COL24A1: variants seen among roughly 807,000 people sequenced by gnomAD.
COL24A1 encodes collagen type XXIV alpha 1 chain.
In COL24A1, 224 loss-of-function variants were observed where a neutral mutation model predicts 253.9. The observed-to-expected ratio is 0.88, with a 90% confidence interval of 0.79 to 0.99. COL24A1 has a LOEUF of 0.99. Ranked by LOEUF, COL24A1 falls within the 50% of genes least tolerant of loss-of-function variation. COL24A1 has a pLI of 0.00. For synonymous variants in COL24A1, 685 were observed against 673.7 expected (o/e 1.02, Z -0.26); for missense variants, 2,131 against 2,068.5 (o/e 1.03, Z -0.59).
chr1:85,950,504 A>G (rs1000240841), intron 24 of COL24A1, among the ~76,000 whole-genome samples: 1 of 152,216 alleles, frequency 6.6e-6, no homozygotes, highest in Admixed American at 6.5e-5. Context: ...AAGAAAGGTG[A>G]TAAGTGTGGG....
intron 35 of COL24A1, among the ~76,000 whole-genome samples, chr1:85,872,349 A>G (rs1042674158): frequency 6.6e-6 from 1 of 152,182 alleles, no homozygotes; most frequent in African/African-American, 2.4e-5. Flanking sequence ...AACTACTTTA[A>G]AGTTCATATG....
rs755480891 is a variant in COL24A1, at chr1:85,737,440, T to G, written c.4738A>C (p.Ser1580Arg). ...GGTAAGCATGTCTGGCCACCAGCAC[T>G]GAAATTGCAGAAAACCTCAATGGCA... The part of the protein sequence containing the change: ...SDAIEVFCNF[S>R]AGGQTCLPPV... Residue 1580 changes from serine (S) to arginine (R), a missense_variant, in exon 58 of 60, where the codon AGT becomes CGT. By Grantham distance (110) the Ser-to-Arg change is moderately radical. Transcript: ENST00000370571. The G allele has an allele frequency of 8.1e-6, 13 of 1,613,104 alleles. No individual in the cohort carries two copies. The East Asian group carries it at 2.0e-4, about 25-fold the overall frequency.
intron 53 of COL24A1, among the ~76,000 whole-genome samples, chr1:85,767,418 T>A (rs2101204998): frequency 6.6e-6 from 1 of 152,292 alleles, no homozygotes; most frequent in South Asian, 2.1e-4. Flanking sequence ...TAAGAAATGT[T>A]ACCAAGCTTT....
At chr1:86,149,734 G>A (rs535703738) in intron 1 of COL24A1, among the ~76,000 whole-genome samples, 1 of 152,238 alleles carries the variant, frequency 6.6e-6, no homozygotes, top group African/African-American at 2.4e-5. Flanking sequence ...AAATAAACAT[G>A]TTAACAAGTC....
chr1:85,926,383 T>G (rs937692637), intron 24 of COL24A1, among the ~76,000 whole-genome samples: 1 of 152,184 alleles, frequency 6.6e-6, no homozygotes, highest in East Asian at 1.9e-4. Flanking sequence ...CACGTATGTT[T>G]ATTGCGGCAC....
chr1:85,902,234 A>G (rs1471043723), intron 28 of COL24A1, among the ~76,000 whole-genome samples: 4 of 152,208 alleles, frequency 2.6e-5, no homozygotes, highest in Non-Finnish European at 5.9e-5. Context: ...GCAGCAAGCA[A>G]TAAAGATCCC....
chr1:85,758,926 GATAGAATTTCAGAGC>G (rs528921563), intron 55 of COL24A1, among the ~76,000 whole-genome samples: 45 of 152,154 alleles, frequency 3.0e-4, no homozygotes, highest in Non-Finnish European at 5.9e-4. Context: ...CCACTACCAT[GATAGAATTTCAGAGC>G]ATTTTAATCA....
chr1:85,769,715 C>T (rs1278713525), intron 53 of COL24A1, among the ~76,000 whole-genome samples: 1 of 152,142 alleles, frequency 6.6e-6, no homozygotes, highest in African/African-American at 2.4e-5. Context: ...TCAACTGGTC[C>T]TACCAGGACA....
rs11161721 is a variant in COL24A1, at chr1:86,022,231, C to A, written c.2256+9G>T. 0.28 allele frequency: 450,849 copies of A among 1,607,094 alleles called. 65,056 individuals are homozygous for A. Among genetic ancestry groups the A allele is most frequent in the Admixed American group, 0.37 (22,261 of 59,906 alleles). On this transcript the variant is annotated intron_variant, in intron 18 of 59. Coordinates refer to ENST00000370571, the MANE Select transcript of COL24A1 (RefSeq NM_152890.7). Reference sequence around the variant, plus strand: ...AATTACAAAGAGCAAAGCAAAAGTTCAAACCTACTGAAGGCCCTGACTTTC... The same window carrying A: ...AATTACAAAGAGCAAAGCAAAAGTTAAAACCTACTGAAGGCCCTGACTTTC...
chr1:86,056,856 CAA>C (rs369894155), intron 10 of COL24A1, among the ~76,000 whole-genome samples: 2 of 96,024 alleles, frequency 2.1e-5, no homozygotes, highest in African/African-American at 7.2e-5. Flanking sequence ...TCTGTCTCAC[CAA>C]AAAAAAAAAA....
chr1:85,970,334 C>T, intron 21 of COL24A1, 63 bp from the exon 22 acceptor site: 1 of 1,352,694 alleles, frequency 7.4e-7, no homozygotes, highest in South Asian at 1.4e-5. Flanking sequence ...AATGTAAACT[C>T]TTATTTTCTC....
intron 11 of COL24A1, among the ~76,000 whole-genome samples, chr1:86,048,797 G>A (rs540874607): frequency 1.3e-5 from 2 of 152,196 alleles, no homozygotes; most frequent in South Asian, 4.1e-4. Context: ...GCCAGGTCTT[G>A]ATATTTTCAT....
chr1:86,019,857 A>C (rs1697336457), intron 18 of COL24A1, among the ~76,000 whole-genome samples: 1 of 125,720 alleles, frequency 8.0e-6, no homozygotes, highest in Admixed American at 8.3e-5. Flanking sequence ...CATCATTAGC[A>C]TTTATTGTGA....
Position 85,737,392 on chromosome 1 carries a change from A to T in COL24A1, c.4782+4T>A, listed in dbSNP as rs959567808. ...GACATGTGTTCTAAAATTCAGTAAC[A>T]TACCTTTGTTACAGAAACAGGAGGT... On this transcript the variant is annotated splice_donor_region_variant and intron_variant, in intron 58 of 59. Coordinates refer to ENST00000370571, the MANE Select transcript of COL24A1 (RefSeq NM_152890.7). 6 of 1,600,986 alleles carry T rather than the reference A, an allele frequency of 3.7e-6. No homozygotes were observed. In the African/African-American group the frequency reaches 8.1e-5, roughly 22 times the overall value.
intron 3 of COL24A1, among the ~76,000 whole-genome samples, chr1:86,115,711 T>G (rs1353756669): frequency 1.3e-5 from 2 of 152,194 alleles, no homozygotes; most frequent in Non-Finnish European, 2.9e-5. Context: ...GAATTCAATT[T>G]AGGGTTTGGC....
chr1:86,032,570 A>G (rs546930588), intron 13 of COL24A1, among the ~76,000 whole-genome samples: 2 of 152,230 alleles, frequency 1.3e-5, no homozygotes, highest in East Asian at 1.9e-4. Context: ...ATTACACTTT[A>G]TAGTCTTTAA....
At chr1:85,875,194 A>T (rs1680994126) in intron 34 of COL24A1, 83 bp downstream of exon 34, 2 of 1,215,404 alleles carry the variant, frequency 1.6e-6, no homozygotes, top group Admixed American at 3.7e-5. Context: ...CAAGTTAGCA[A>T]ATATAGGGGA....
chr1:85,776,951 AC>A (rs1204307500), intron 52 of COL24A1, among the ~76,000 whole-genome samples: 5 of 150,282 alleles, frequency 3.3e-5, no homozygotes, highest in East Asian at 3.9e-4. Flanking sequence ...TTATTTATTT[AC>A]TTATTTTTTT....
At chr1:85,915,234 C>T (rs113616586) in intron 24 of COL24A1, among the ~76,000 whole-genome samples, 11 of 152,334 alleles carry the variant, frequency 7.2e-5, no homozygotes, top group African/African-American at 2.4e-4. Flanking sequence ...TCTTCTCCTG[C>T]CTTTGAACTA....
Sources: gnomAD v4.1 joint callset for allele counts (sites outside exome capture counted in the v4.1 genomes callset) on GRCh38, gnomAD v4.1.1 for gene constraint, MANE v1.5 for transcripts, NCBI Gene and HGNC (gene_info 2026-07-23, HGNC 2026-07-21) for gene names.